SVIL: variants seen among roughly 807,000 people sequenced by gnomAD.
SVIL encodes archvillin.
Under a neutral mutation model 240.4 loss-of-function variants are expected in SVIL, and 101 were observed. The observed-to-expected ratio is 0.42, with a 90% CI of 0.36 to 0.50. The LOEUF (loss-of-function observed/expected upper bound fraction) is 0.50. SVIL is among the 20% of genes least tolerant of loss of function. The pLI is 0.01. For synonymous variants in SVIL, 999 were observed against 1,100.0 expected (o/e 0.91, Z 1.82); for missense variants, 2,512 against 2,818.7 (o/e 0.89, Z 2.46).
intron 22 of SVIL, among the ~76,000 whole-genome samples, chr10:29,490,602 A>C (rs977512190): frequency 4.8e-5 from 7 of 146,346 alleles, no homozygotes; most frequent in Non-Finnish European, 7.5e-5. Flanking sequence ...AAAAAAAAAA[A>C]ACCAAACCCC....
At chr10:29,717,631 G>A (rs574169732) in intron 1 of SVIL, among the ~76,000 whole-genome samples, 1 of 152,314 alleles carries the variant, frequency 6.6e-6, no homozygotes, top group African/African-American at 2.4e-5. Context: ...ATAAGAGTTA[G>A]TGAATTTGCC....
chr10:29,727,332 T>C (rs1042716291), intron 1 of SVIL, among the ~76,000 whole-genome samples: 10 of 152,082 alleles, frequency 6.6e-5, no homozygotes, highest in South Asian at 4.1e-4. Context: ...GGTGTGATCA[T>C]AGCTCACTGT....
At chr10:29,556,572 T>C (rs759650137) in intron 3 of SVIL, among the ~76,000 whole-genome samples, 3 of 152,186 alleles carry the variant, frequency 2.0e-5, no homozygotes, top group Non-Finnish European at 4.4e-5. Flanking sequence ...TTTGTTGAGA[T>C]AGCCGGCTTC....
intron 2 of SVIL, among the ~76,000 whole-genome samples, chr10:29,669,535 C>T (rs893708278): frequency 8.2e-4 from 125 of 152,214 alleles, no homozygotes; most frequent in African/African-American, 2.9e-3. Context: ...ACTGTAGTTG[C>T]TCTGAGGAAA....
rs1958240951 is a variant in SVIL, at chr10:29,634,644, A to G, written c.-425T>C. ...CAAAAGTTAGCCCAAATAGCGTTGT[A>G]CAAAATCAAAGATCACGATGTCAGC... is the stretch of plus-strand genomic sequence containing the variant. On this transcript the variant is annotated 5_prime_UTR_variant, in exon 1 of 38. Transcript: ENST00000355867. 1 of 152,224 alleles carries G rather than the reference A, an allele frequency of 6.6e-6. No individual in the cohort carries two copies. The highest frequency in any genetic ancestry group is 2.4e-5 in the African/African-American group (1 of 41,474). 9.4% of individuals were successfully genotyped at this position (152,224 alleles called of 1,614,324 possible).
rs750201073 is a variant in SVIL at position 29,463,639 on chromosome 10, T to G, written c.6134-4A>C. ...TGATTGTCAACAAGGAAAAGTGCTG[T>G]GAGGGCAGGGACAGGGCCAGACCAT... On this transcript the variant is annotated splice_polypyrimidine_tract_variant and splice_region_variant and intron_variant, in intron 34 of 37. Transcript: ENST00000355867. 6.2e-7 allele frequency: 1 copy of G among 1,613,748 alleles called. No individual in the cohort carries two copies. Among genetic ancestry groups the G allele is most frequent in the East Asian group, 2.2e-5 (1 of 44,870 alleles).
At chr10:29,606,883 C>T (rs142288613) in intron 1 of SVIL, among the ~76,000 whole-genome samples, 1,548 of 152,164 alleles carry the variant, frequency 0.01, 32 homozygotes, top group African/African-American at 0.035. Context: ...GCCTCCCAAG[C>T]AGCTGGGATT....
At chr10:29,526,900 A>T in intron 13 of SVIL, 61 bp downstream of exon 13, 1 of 1,295,846 alleles carries the variant, frequency 7.7e-7, no homozygotes. Context: ...AGACTTTAGG[A>T]TGCATCTGCT....
At chr10:29,590,376 C>T (rs562673976) in intron 1 of SVIL, among the ~76,000 whole-genome samples, 19 of 152,184 alleles carry the variant, frequency 1.2e-4, no homozygotes, top group Admixed American at 4.6e-4. Context: ...TCAGCCTTGA[C>T]GGTATATATT....
At chr10:29,579,988 C>G (rs1472771479) in intron 1 of SVIL, among the ~76,000 whole-genome samples, 1 of 151,924 alleles carries the variant, frequency 6.6e-6, no homozygotes, top group African/African-American at 2.4e-5. Flanking sequence ...AGTGCCTGAC[C>G]TAGGATAGAT....
rs1318680879 is a variant in SVIL, at chr10:29,533,064, C to T, written c.1303G>A (p.Glu435Lys). 1.2e-6 allele frequency: 2 copies of T among 1,614,078 alleles called. No individual in the cohort carries two copies. The highest frequency in any genetic ancestry group is 8.5e-7 in the Non-Finnish European group (1 of 1,179,970). Reference protein sequence around the residue: ...SKAEEEEGEGEGEEKEEDVCF... With the variant: ...SKAEEEEGEGKGEEKEEDVCF... Reference sequence around the variant, plus strand: ...ACATCTTCTTCTTTTTCTTCTCCTTCTCCTTCCCCTTCTTCTTCTTCTGCT... The same window carrying T: ...ACATCTTCTTCTTTTTCTTCTCCTTTTCCTTCCCCTTCTTCTTCTTCTGCT... The change falls in exon 8 of 38, where the codon GAA (glutamate) becomes AAA (lysine). Residue 435 changes from glutamate to lysine, a missense_variant. Physicochemically the swap from Glu to Lys is moderately conservative, Grantham distance 56 (BLOSUM62 1). Around this residue, in one of 3 missense-constraint regions of SVIL, gnomAD observed 1,443 missense variants for 1,486.6 expected, o/e 0.97. Coordinates refer to ENST00000355867, the MANE Select transcript of SVIL (RefSeq NM_021738.3).
intron 2 of SVIL, among the ~76,000 whole-genome samples, chr10:29,658,588 A>G (rs994521535): frequency 2.0e-5 from 3 of 152,158 alleles, no homozygotes; most frequent in African/African-American, 7.2e-5. Flanking sequence ...AACCCTGTCT[A>G]TACAAAAAAT....
intron 34 of SVIL, among the ~76,000 whole-genome samples, 164 bp from the exon 35 acceptor site, chr10:29,463,799 C>T (rs1014860321): frequency 6.6e-6 from 1 of 152,188 alleles, no homozygotes; most frequent in East Asian, 1.9e-4. Context: ...CAGAGAAACC[C>T]AGGATACCCC....
intron 1 of SVIL, among the ~76,000 whole-genome samples, chr10:29,624,720 G>A (rs1325777649): frequency 1.3e-5 from 2 of 151,916 alleles, no homozygotes; most frequent in Non-Finnish European, 2.9e-5. Context: ...CAATGCTCAT[G>A]TTAGCCAGGG....
chr10:29,505,005 T>C (rs1265332681), intron 17 of SVIL, among the ~76,000 whole-genome samples: 1 of 152,178 alleles, frequency 6.6e-6, no homozygotes, highest in Admixed American at 6.5e-5. Flanking sequence ...GAAATATTAT[T>C]CGACGATACA....
At chr10:29,464,489 T>A (rs1944652537) in intron 34 of SVIL, among the ~76,000 whole-genome samples, 1 of 152,130 alleles carries the variant, frequency 6.6e-6, no homozygotes, top group Non-Finnish European at 1.5e-5. Flanking sequence ...TACTGCCTTT[T>A]CCTCCTACCT....
Position 29,663,825 on chromosome 10 carries a change from G to A in SVIL, c.-300-5757C>T, listed in dbSNP as rs556892902. On this transcript the variant is annotated intron_variant, in intron 2 of 35. Coordinates refer to the SVIL transcript ENST00000375400. The stretch of plus-strand genomic sequence containing the variant: ...CAGGGAGGCAGTGGGCAGAGCAGCC[G>A]CTGGTTCTCCCGGTGAGTGCTGCTG... Among the ~76,000 whole-genome samples, 26 of 152,338 alleles carry A rather than the reference G, an allele frequency of 1.7e-4. No individual in the cohort carries two copies. In the South Asian group the frequency reaches 5.4e-3, roughly 32 times the overall value.
chr10:29,485,739 C>A (rs998544583), intron 26 of SVIL, among the ~76,000 whole-genome samples: 1 of 152,160 alleles, frequency 6.6e-6, no homozygotes, highest in Non-Finnish European at 1.5e-5. Context: ...ATTATATATG[C>A]ATGCATCTAG....
chr10:29,526,870 A>G (rs1401041824), intron 13 of SVIL, 91 bp downstream of exon 13: 6 of 1,110,146 alleles, frequency 5.4e-6, no homozygotes, highest in Non-Finnish European at 1.2e-6. Context: ...CTTGTTTGTC[A>G]AACAAACGAC....
Sources: gnomAD v4.1 joint callset for allele counts (sites outside exome capture counted in the v4.1 genomes callset) on GRCh38, gnomAD v4.1.1 for gene constraint, gnomAD v4.1.1 regional missense constraint, MANE v1.5 for transcripts, NCBI Gene and HGNC (gene_info 2026-07-23, HGNC 2026-07-21) for gene names.